Variants in ZFAT observed in about 807,000 individuals in gnomAD.
ZFAT encodes the protein zinc finger protein ZFAT.
ZFAT carries 64 observed loss-of-function variants against 117.7 expected under a neutral mutation model. The observed-to-expected ratio is 0.54, with a 90% CI of 0.44 to 0.67. ZFAT has a LOEUF of 0.67. Ranked by LOEUF, ZFAT falls within the 30% of genes least tolerant of loss-of-function variation. The pLI is 0.00. For missense variants in ZFAT, 1,433 were observed against 1,584.5 expected, an observed-to-expected ratio of 0.90 and a Z score of 1.62; for synonymous variants, 679 against 615.0, an observed-to-expected ratio of 1.10 and a Z score of -1.54.
chr8:134,568,328 C>T (rs536507037), intron 10 of ZFAT, among the ~76,000 whole-genome samples: 1 of 152,188 alleles, frequency 6.6e-6, no homozygotes, highest in Non-Finnish European at 1.5e-5. Flanking sequence ...AATACAGTAA[C>T]ATCTTCTTTC....
the ZFAT span, chr8:134,765,504 C>A: frequency 1.1e-4 from 16 of 152,270 alleles, no homozygotes; most frequent in African/African-American, 3.6e-4. Flanking sequence ...GTATTACTCC[C>A]CTTTACAAAT....
At position 134,653,172 on chromosome 8, in the gene ZFAT, T is replaced by C. The variant is rs1203630824; in HGVS notation, c.196+4389A>G. Among the ~76,000 whole-genome samples, 9 of 148,126 alleles carry C rather than the reference T, an allele frequency of 6.1e-5. No individual in the cohort carries two copies. In the South Asian group the frequency reaches 1.7e-3, roughly 28 times the overall value. ...TTGGTGGGGTTTTTTTTTTCATTAT[T>C]ATTATTATTATAATACTTTAAGTTT... On this transcript the variant is annotated intron_variant, in intron 2 of 15. Transcript: ENST00000377838.
At chr8:134,567,450 A>T (rs1475538081) in intron 10 of ZFAT, among the ~76,000 whole-genome samples, 1 of 145,534 alleles carries the variant, frequency 6.9e-6, no homozygotes, top group Non-Finnish European at 1.5e-5. Context: ...AACCCTACCA[A>T]CCATCCATCC....
intron 1 of ZFAT, among the ~76,000 whole-genome samples, chr8:134,672,553 T>A (rs1832611738): frequency 6.6e-6 from 1 of 151,512 alleles, no homozygotes. Context: ...ACTTAAAGTA[T>A]AATAATAAAA....
At chr8:134,713,804 G>A (rs561073137), upstream of ZFAT, among the ~76,000 whole-genome samples, 5 of 151,762 alleles carry the variant, frequency 3.3e-5, no homozygotes, top group South Asian at 2.1e-4. Flanking sequence ...CTCACCCCCC[G>A]AAACCCATCT....
chr8:134,754,790 T>G, the ZFAT span, among the ~76,000 whole-genome samples: 2 of 152,064 alleles, frequency 1.3e-5, no homozygotes, highest in African/African-American at 4.8e-5. Flanking sequence ...GGGTGCTGGG[T>G]CAGGAAGGAT....
At chr8:134,760,283 A>AC in the ZFAT span, among the ~76,000 whole-genome samples, 3 of 129,236 alleles carry the variant, frequency 2.3e-5, no homozygotes, top group East Asian at 4.6e-4. Context: ...GAAAAAAAAA[A>AC]AAAAACAAAC....
chr8:134,607,907 T>C (rs1204279140), intron 5 of ZFAT, among the ~76,000 whole-genome samples: 1 of 152,212 alleles, frequency 6.6e-6, no homozygotes, highest in Admixed American at 6.5e-5. Flanking sequence ...GAGGACAGTT[T>C]TTAATGTCAG....
At chr8:134,496,198 C>T (rs1029686766) in intron 15 of ZFAT, among the ~76,000 whole-genome samples, 5 of 152,240 alleles carry the variant, frequency 3.3e-5, no homozygotes, top group African/African-American at 9.6e-5. Flanking sequence ...ATACAACAGC[C>T]CCTTGGAGTA....
chr8:134,786,815 G>A, the ZFAT span, among the ~76,000 whole-genome samples: 1 of 148,340 alleles, frequency 6.7e-6, no homozygotes. Context: ...CCGTTTTCAT[G>A]CCTTATTTCT....
At chr8:134,697,544 G>A (rs376893855) in intron 1 of ZFAT, among the ~76,000 whole-genome samples, 13 of 150,112 alleles carry the variant, frequency 8.7e-5, no homozygotes, top group South Asian at 6.4e-4. Flanking sequence ...TGGCTAACAC[G>A]GCGAAACCCC....
chr8:134,636,154 G>T (rs2028557), intron 3 of ZFAT, among the ~76,000 whole-genome samples: 56,571 of 152,030 alleles, frequency 0.37, 11,912 homozygotes, highest in East Asian at 0.89. Context: ...ACTATGATAG[G>T]GTTTTGCAAA....
intron 1 of ZFAT, among the ~76,000 whole-genome samples, chr8:134,694,105 G>A (rs1282553513): frequency 5.9e-5 from 9 of 152,094 alleles, no homozygotes; most frequent in African/African-American, 1.2e-4. Flanking sequence ...CAGAGGCAGC[G>A]CTCCACATTC....
At chr8:134,648,007 A>T (rs1248482373) in intron 2 of ZFAT, among the ~76,000 whole-genome samples, 1 of 152,110 alleles carries the variant, frequency 6.6e-6, no homozygotes, top group East Asian at 1.9e-4. Flanking sequence ...TATATACTTA[A>T]AATTTGCTAA....
intron 2 of ZFAT, among the ~76,000 whole-genome samples, chr8:134,638,414 G>A (rs1830359920): frequency 6.6e-6 from 1 of 151,928 alleles, no homozygotes; most frequent in Admixed American, 6.6e-5. Context: ...AATTAAGAGG[G>A]GTGAGCGGGG....
At chr8:134,754,785 C>A in the ZFAT span, among the ~76,000 whole-genome samples, 3 of 152,298 alleles carry the variant, frequency 2.0e-5, no homozygotes, top group Admixed American at 6.5e-5. Flanking sequence ...GACTTGGGTG[C>A]TGGGTCAGGA....
intron 3 of ZFAT, among the ~76,000 whole-genome samples, chr8:134,631,547 A>C (rs541542574): frequency 1.1e-4 from 16 of 152,358 alleles, no homozygotes. Flanking sequence ...GGAGTTCTTT[A>C]AGCCAACCAC....
chr8:134,625,078 A>ATTGAT (rs1829404524), intron 3 of ZFAT, among the ~76,000 whole-genome samples: 1 of 152,204 alleles, frequency 6.6e-6, no homozygotes. Context: ...AGTTTTAATT[A>ATTGAT]TTGATTACAC....
In ZFAT at chr8:134,637,524, G is replaced by A. The variant is rs910442781; in HGVS notation, c.385C>T (p.Arg129Cys). The A allele has an allele frequency of 1.7e-5, 27 of 1,614,048 alleles. No individual in the cohort carries two copies. The highest frequency in any genetic ancestry group is 4.0e-5 in the African/African-American group (3 of 74,940). ...ATGCAGATGTGCTTCCGCAGCTGGC[G>A]CGTGTTGGAGAACTTCCGACAGCAC... is the stretch of plus-strand genomic sequence containing the variant. ...SKCCRKFSNT[R>C]QLRKHICIIV... The change falls in exon 3 of 16, where the codon CGC becomes TGC. Residue 129 changes from arginine to cysteine, a missense_variant. This residue lies in a region of ZFAT where 436 missense variants were observed against 482.0 expected (regional missense o/e 0.90). Transcript: ENST00000377838.
Sources: gnomAD v4.1 joint callset for allele counts (sites outside exome capture counted in the v4.1 genomes callset) on GRCh38, gnomAD v4.1.1 for gene constraint, gnomAD v4.1.1 regional missense constraint, MANE v1.5 for transcripts, NCBI Gene and HGNC (gene_info 2026-07-23, HGNC 2026-07-21) for gene names.